Variants in SLC25A18 observed in about 807,000 individuals in gnomAD.
SLC25A18 encodes the protein mitochondrial glutamate carrier 2.
In SLC25A18, 24 loss-of-function variants were observed where a neutral mutation model predicts 31.1. The observed-to-expected ratio is 0.77, with a 90% CI of 0.56 to 1.08. The LOEUF (loss-of-function observed/expected upper bound fraction) is 1.08. Ranked by LOEUF, SLC25A18 falls within the 50% of genes least tolerant of loss-of-function variation. The probability of loss-of-function intolerance (pLI) is 0.00; values close to 1 mark genes in which losing one functional copy is unlikely to be tolerated. For missense variants in SLC25A18, 371 were observed against 418.5 expected, an observed-to-expected ratio of 0.89 and a Z score of 0.99; for synonymous variants, 173 against 161.9, an observed-to-expected ratio of 1.07 and a Z score of -0.52.
intron 2 of SLC25A18, among the ~76,000 whole-genome samples, chr22:17,578,757 C>T (rs1019530614): frequency 3.9e-5 from 6 of 152,100 alleles, no homozygotes; most frequent in Admixed American, 3.3e-4. Context: ...AAAATTCGCC[C>T]GGTGTGGTGG....
chr22:17,569,776 T>G, intron 1 of SLC25A18, 148 bp from the exon 2 acceptor site: 1 of 985,366 alleles, frequency 1.0e-6, no homozygotes, highest in Non-Finnish European at 1.2e-6. Flanking sequence ...GGGTTTTGCT[T>G]CAAACCCAAC....
chr22:17,572,637 A>ATTTTTT (rs1274237439), intron 2 of SLC25A18, among the ~76,000 whole-genome samples: 1 of 108,800 alleles, frequency 9.2e-6, no homozygotes, highest in Non-Finnish European at 1.8e-5. Context: ...CTACAAATAA[A>ATTTTTT]TTTTTTTTTT....
In SLC25A18 at chr22:17,579,914, C is replaced by T; in HGVS notation, c.-31C>T. 1 of 1,606,348 alleles carries T rather than the reference C, an allele frequency of 6.2e-7. No homozygotes were observed. Among genetic ancestry groups the T allele is most frequent in the Non-Finnish European group, 8.5e-7 (1 of 1,177,036 alleles). ...GCGGCTACCCCAAGGAGCCAGCAGC[C>T]TTGTGTCCTGGGATCCCCAGCCCCT... On this transcript the variant is annotated 5_prime_UTR_variant, in exon 3 of 11. Coordinates refer to ENST00000327451, the MANE Select transcript of SLC25A18 (RefSeq NM_031481.3).
chr22:17,585,644 A>ATTTTTTTT (rs1374922417), intron 7 of SLC25A18, among the ~76,000 whole-genome samples: 2 of 133,368 alleles, frequency 1.5e-5, no homozygotes, highest in African/African-American at 6.1e-5. Flanking sequence ...TATTATTATT[A>ATTTTTTTT]TTATTATTTT....
intron 2 of SLC25A18, among the ~76,000 whole-genome samples, chr22:17,578,099 C>A (rs1430753589): frequency 6.6e-6 from 1 of 151,452 alleles, no homozygotes. Flanking sequence ...ATCCTCCCAT[C>A]TCAGCCTCCT....
In SLC25A18 at chr22:17,572,637, AT is replaced by A. The variant is rs1274237439; in HGVS notation, c.-201+2673del. ...GGCGAGACCCCATCTCTACAAATAA[AT>A]TTTTTTTTTTTTTTTTTTTTTGAGA... On this transcript the variant is annotated intron_variant, in intron 2 of 10. Transcript: ENST00000327451. 5.7e-4 allele frequency among the ~76,000 whole-genome samples: 62 copies of A among 108,788 alleles called. No individual in the cohort carries two copies. In the East Asian group the frequency reaches 0.01, roughly 18 times the overall value. The allele number at this position is 108,788 out of a possible 152,430, so 71.4% of individuals were successfully genotyped here.
Position 17,577,400 on chromosome 22 carries a change from C to T in SLC25A18, c.-200-2345C>T, listed in dbSNP as rs565563631. 2.6e-5 allele frequency among the ~76,000 whole-genome samples: 4 copies of T among 151,798 alleles called. No individual in the cohort carries two copies. The South Asian group carries it at 8.3e-4, about 32-fold the overall frequency. ...CTCAAACTCCTGACGTCAGGTGATC[C>T]GCCCGCCTCAGCCTCCCAAAGTGCT... On this transcript the variant is annotated intron_variant, in intron 2 of 10. Coordinates refer to ENST00000327451, the MANE Select transcript of SLC25A18 (RefSeq NM_031481.3).
chr22:17,590,424 T>C lies in SLC25A18; in HGVS notation c.*188T>C. 1 of 626,620 alleles carries C rather than the reference T, an allele frequency of 1.6e-6. No homozygotes were observed. Among genetic ancestry groups the C allele is most frequent in the Non-Finnish European group, 2.6e-6 (1 of 386,538 alleles). The allele number at this position is 626,620 out of a possible 1,614,324, so 38.8% of individuals were successfully genotyped here. A position where few individuals can be genotyped will look rare whatever the true frequency, so the allele number is the denominator to read the frequency against. On this transcript the variant is annotated 3_prime_UTR_variant, in exon 11 of 11. Coordinates refer to ENST00000327451, the MANE Select transcript of SLC25A18 (RefSeq NM_031481.3). ...GAGCACAGCCTTCTTCCCCTTCGTGTCTACACTCGTTTTCCTTTGTGGGCA... is the reference window on the plus strand; with the variant it reads ...GAGCACAGCCTTCTTCCCCTTCGTGCCTACACTCGTTTTCCTTTGTGGGCA...
intron 2 of SLC25A18, among the ~76,000 whole-genome samples, chr22:17,575,471 T>C (rs1157868479): frequency 6.6e-6 from 1 of 152,182 alleles, no homozygotes; most frequent in Non-Finnish European, 1.5e-5. Context: ...TTTATTTATC[T>C]CTGTTTCCTC....
At chr22:17,580,135 C>A in intron 3 of SLC25A18, 171 bp downstream of exon 3, 1 of 595,446 alleles carries the variant, frequency 1.7e-6, no homozygotes, top group Non-Finnish European at 3.0e-6. Flanking sequence ...TACGTACACA[C>A]AAGCATCTGT....
intron 8 of SLC25A18, 42 bp from the exon 9 acceptor site, chr22:17,587,883 A>G: frequency 6.2e-7 from 1 of 1,612,876 alleles, no homozygotes. Context: ...TGGCAGCCCC[A>G]GGGCAGCTCG....
intron 2 of SLC25A18, among the ~76,000 whole-genome samples, chr22:17,579,071 G>A (rs910678982): frequency 3.6e-5 from 2 of 54,914 alleles, no homozygotes; most frequent in East Asian, 1.7e-3. Flanking sequence ...TTTTTTGTTT[G>A]TTTGTTTGTT....
chr22:17,589,628 G>C lies in SLC25A18; in HGVS notation c.769G>C (p.Gly257Arg), dbSNP rs778532679. Residue 257 changes from glycine to arginine, a missense_variant, in exon 10 of 11, where the codon GGC becomes CGC. Coordinates refer to ENST00000327451, the MANE Select transcript of SLC25A18 (RefSeq NM_031481.3). ...AATCCAAACCCTCAAGAAAGGCCTG[G>C]GCGAGGACATGTACAGTGGGATCAC... ...TRIQTLKKGLGEDMYSGITDC... is the reference protein window; with the variant it reads ...TRIQTLKKGLREDMYSGITDC... 2.5e-6 allele frequency: 4 copies of C among 1,613,954 alleles called. No homozygotes were observed. Among genetic ancestry groups the C allele is most frequent in the African/African-American group, 1.3e-5 (1 of 74,874 alleles).
intron 1 of SLC25A18, among the ~76,000 whole-genome samples, chr22:17,569,380 T>G (rs546764682): frequency 6.0e-4 from 91 of 152,316 alleles, no homozygotes; most frequent in African/African-American, 2.1e-3. Context: ...GCAGCCCTCC[T>G]GCAGCTGAGC....
At chr22:17,580,532 T>C (rs970945931) in intron 3 of SLC25A18, 29 of 989,260 alleles carry the variant, frequency 2.9e-5, no homozygotes, top group Admixed American at 6.1e-5. Flanking sequence ...TGCTCTCTTA[T>C]TATGAACAAT....
chr22:17,569,808 G>A (rs756628587), intron 1 of SLC25A18, 116 bp from the exon 2 acceptor site: 12 of 985,400 alleles, frequency 1.2e-5, no homozygotes, highest in South Asian at 4.7e-5. Flanking sequence ...TGCAGTGTGC[G>A]GTGAGAGTCT....
intron 1 of SLC25A18, among the ~76,000 whole-genome samples, chr22:17,564,513 A>G (rs2056881817): frequency 6.6e-6 from 1 of 152,184 alleles, no homozygotes; most frequent in Admixed American, 6.6e-5. Flanking sequence ...CCTGAGGCAT[A>G]GCATAGAAAA....
intron 6 of SLC25A18, among the ~76,000 whole-genome samples, chr22:17,583,047 C>T (rs558677244): frequency 2.0e-4 from 30 of 148,442 alleles, no homozygotes; most frequent in Admixed American, 8.7e-4. Context: ...TGCACTTCGG[C>T]GTGGGTCACA....
intron 2 of SLC25A18, among the ~76,000 whole-genome samples, chr22:17,577,579 A>ATTT (rs695611): frequency 5.0e-5 from 6 of 118,928 alleles, no homozygotes; most frequent in African/African-American, 6.6e-5. Flanking sequence ...TGTCCTGTCT[A>ATTT]TTTTTTTTTT....
Sources: allele counts gnomAD v4.1 joint callset (sites outside exome capture counted in the v4.1 genomes callset), GRCh38; gene constraint gnomAD v4.1.1; transcripts MANE v1.5; gene names NCBI Gene and HGNC (gene_info 2026-07-23, HGNC 2026-07-21).